Variants in EXOC2 observed in about 807,000 individuals in gnomAD.
EXOC2 encodes the protein exocyst complex component 2, also known as SEC5-like 1.
In EXOC2, 70 loss-of-function variants were observed where a neutral mutation model predicts 131.8. The ratio of observed to expected loss-of-function variants is 0.53; its 90% CI spans 0.44 to 0.65. The LOEUF (loss-of-function observed/expected upper bound fraction) is 0.65. EXOC2 is among the 30% of genes least tolerant of loss of function. The pLI is 0.00. For synonymous variants in EXOC2, 411 were observed against 398.4 expected (o/e 1.03, Z -0.38); for missense variants, 923 against 1,108.6 (o/e 0.83, Z 2.38).
chr6:686,612 T>C (rs9504756), intron 1 of EXOC2, among the ~76,000 whole-genome samples: 21,721 of 152,104 alleles, frequency 0.14, 1,696 homozygotes, highest in African/African-American at 0.2. Context: ...AGATCTGTTA[T>C]ATATATACCG....
intron 11 of EXOC2, among the ~76,000 whole-genome samples, chr6:587,644 ACT>A (rs1333711700): frequency 1.3e-5 from 2 of 152,048 alleles, no homozygotes; most frequent in Non-Finnish European, 2.9e-5. Flanking sequence ...GCCAAAGCAC[ACT>A]CTATTTCACT....
intron 25 of EXOC2, among the ~76,000 whole-genome samples, chr6:491,736 A>T (rs1185855356): frequency 6.6e-6 from 1 of 152,248 alleles, no homozygotes; most frequent in Admixed American, 6.5e-5. Flanking sequence ...TGTAAAATTC[A>T]TAAGGAAATG....
intron 4 of EXOC2, 103 bp from the exon 5 acceptor site, chr6:619,646 TACA>T: frequency 4.6e-6 from 3 of 645,324 alleles, no homozygotes; most frequent in Admixed American, 4.8e-5. Context: ...TACTAACCAT[TACA>T]ACAATACATA....
chr6:495,322 C>T (rs193121612), intron 25 of EXOC2, among the ~76,000 whole-genome samples: 4 of 151,440 alleles, frequency 2.6e-5, no homozygotes, highest in East Asian at 1.9e-4. Context: ...AGACGGGTTT[C>T]ACCGTGTTAG....
At chr6:509,930 T>C (rs1764752476) in intron 23 of EXOC2, among the ~76,000 whole-genome samples, 1 of 152,192 alleles carries the variant, frequency 6.6e-6, no homozygotes. Context: ...AAATCAGTTA[T>C]CACTCCCAGT....
At chr6:632,356 A>C (rs905952789) in intron 3 of EXOC2, among the ~76,000 whole-genome samples, 3 of 152,166 alleles carry the variant, frequency 2.0e-5, no homozygotes, top group Non-Finnish European at 4.4e-5. Flanking sequence ...CCAAGTTCCT[A>C]ACGCTGCTAA....
intron 21 of EXOC2, 122 bp from the exon 22 acceptor site, chr6:549,413 T>C: frequency 1.5e-6 from 1 of 671,276 alleles, no homozygotes; most frequent in Non-Finnish European, 2.5e-6. Flanking sequence ...TGCTTTGCTT[T>C]TCTTGGCTGC....
At chr6:557,451 C>T (rs1057370275) in intron 17 of EXOC2, among the ~76,000 whole-genome samples, 1 of 151,838 alleles carries the variant, frequency 6.6e-6, no homozygotes, top group African/African-American at 2.4e-5. Context: ...AAACCCATCT[C>T]TACTAAAAAT....
intron 1 of EXOC2, among the ~76,000 whole-genome samples, chr6:681,537 A>C (rs1446121531): frequency 6.6e-6 from 1 of 152,234 alleles, no homozygotes; most frequent in Non-Finnish European, 1.5e-5. Context: ...AAATATTACT[A>C]AGATATTTAT....
intron 13 of EXOC2, among the ~76,000 whole-genome samples, chr6:568,070 G>A (rs983933304): frequency 1.3e-5 from 2 of 152,210 alleles, no homozygotes; most frequent in Non-Finnish European, 2.9e-5. Flanking sequence ...GGAATGTCAG[G>A]AGCTAAATCT....
intron 25 of EXOC2, 82 bp downstream of exon 25, chr6:497,280 GTCATA>G (rs1208614946): frequency 2.2e-5 from 28 of 1,252,154 alleles, no homozygotes; most frequent in East Asian, 4.8e-5. Flanking sequence ...AAAGAAGCCT[GTCATA>G]TCATAAGATT....
At chr6:684,055 T>C (rs1764532883) in intron 1 of EXOC2, among the ~76,000 whole-genome samples, 1 of 152,224 alleles carries the variant, frequency 6.6e-6, no homozygotes, top group African/African-American at 2.4e-5. Flanking sequence ...TCCACCCTGT[T>C]AGCAGCCTCT....
At chr6:536,460 C>G (rs898608561) in intron 22 of EXOC2, among the ~76,000 whole-genome samples, 1 of 151,892 alleles carries the variant, frequency 6.6e-6, no homozygotes, top group Admixed American at 6.6e-5. Context: ...TAAAGATGGC[C>G]TAAACAAATA....
intron 4 of EXOC2, among the ~76,000 whole-genome samples, chr6:626,765 G>C (rs1761593297): frequency 6.6e-6 from 1 of 151,730 alleles, no homozygotes; most frequent in African/African-American, 2.4e-5. Flanking sequence ...CTAATTTTTT[G>C]TATTTTTAGT....
At chr6:654,828 A>AAAAAC (rs1762994942) in intron 1 of EXOC2, among the ~76,000 whole-genome samples, 1 of 139,086 alleles carries the variant, frequency 7.2e-6, no homozygotes, top group Non-Finnish European at 1.6e-5. Context: ...AAAAAAAAAA[A>AAAAAC]AAAAAAAAAG....
intron 17 of EXOC2, 90 bp from the exon 18 acceptor site, chr6:556,654 A>C (rs1757435774): frequency 7.3e-7 from 1 of 1,370,798 alleles, no homozygotes; most frequent in South Asian, 1.2e-5. Flanking sequence ...CCCAAGCCCC[A>C]CATTTTCCAG....
chr6:608,118 C>T lies in EXOC2; in HGVS notation c.742+1980G>A, dbSNP rs921385000. ...TCATTTATGCTTTCCTTCCTTTCTACAACAAAATAAATTCAATTTTCAACA... is the reference window on the plus strand; with the variant it reads ...TCATTTATGCTTTCCTTCCTTTCTATAACAAAATAAATTCAATTTTCAACA... On this transcript the variant is annotated intron_variant, in intron 7 of 27. Coordinates refer to ENST00000230449, the MANE Select transcript of EXOC2 (RefSeq NM_018303.6). Among the ~76,000 whole-genome samples, 4 of 152,224 alleles carry T rather than the reference C, an allele frequency of 2.6e-5. No homozygotes were observed. The East Asian group carries it at 5.8e-4, about 22-fold the overall frequency.
At chr6:530,699 C>T (rs1766023914) in intron 23 of EXOC2, among the ~76,000 whole-genome samples, 2 of 152,226 alleles carry the variant, frequency 1.3e-5, no homozygotes, top group South Asian at 4.1e-4. Context: ...AGGGAAGTAA[C>T]TCATAGCAAG....
chr6:555,094 A>C, intron 20 of EXOC2, 133 bp downstream of exon 20: 1 of 454,678 alleles, frequency 2.2e-6, no homozygotes, highest in Non-Finnish European at 3.8e-6. Context: ...ATATAAAAAA[A>C]AACTATTACT....
Sources: allele counts gnomAD v4.1 joint callset (sites outside exome capture counted in the v4.1 genomes callset), GRCh38; gene constraint gnomAD v4.1.1; transcripts MANE v1.5; gene names NCBI Gene and HGNC (gene_info 2026-07-23, HGNC 2026-07-21).